Variants in COL6A3 observed in about 807,000 individuals in gnomAD.
COL6A3 encodes the protein collagen type VI alpha 3 chain.
In COL6A3, 137 loss-of-function variants were observed where a neutral mutation model predicts 274.1. The ratio of observed to expected loss-of-function variants is 0.50; its 90% CI spans 0.44 to 0.58. The LOEUF is 0.58. Among genes scored for constraint, COL6A3 ranks in the 20% least tolerant of loss-of-function variants. The probability of loss-of-function intolerance (pLI) is 0.00; values close to 1 mark genes in which losing one functional copy is unlikely to be tolerated. For synonymous variants in COL6A3, 1,650 were observed against 1,650.6 expected, an observed-to-expected ratio of 1.00 and a Z score of 0.01; for missense variants, 3,950 against 4,124.9, an observed-to-expected ratio of 0.96 and a Z score of 1.16.
chr2:237,367,182 C>T lies in COL6A3; in HGVS notation c.5005G>A (p.Val1669Ile), dbSNP rs746001425. ...LRFVSEIVDT[V>I]YEDGDSIQVG... is the part of the protein sequence containing the mutation. ...TGGATGGAGTCGCCATCTTCATAAA[C>T]TGTGTCCACTATTTCAGACACAAAA... The change falls in exon 11 of 44, where the codon GTT becomes ATT. Residue 1669 changes from valine (V) to isoleucine (I), a missense_variant. Around this residue, in one of 5 missense-constraint regions of COL6A3, gnomAD observed 632 missense variants for 623.4 expected, o/e 1.01. Transcript: ENST00000295550. 1.9e-6 allele frequency: 3 copies of T among 1,614,082 alleles called. No homozygotes were observed. Among genetic ancestry groups the T allele is most frequent in the Non-Finnish European group, 2.5e-6 (3 of 1,180,046 alleles).
intron 9 of COL6A3, among the ~76,000 whole-genome samples, chr2:237,369,789 A>C (rs1280198901): frequency 1.3e-5 from 2 of 151,574 alleles, no homozygotes; most frequent in Non-Finnish European, 2.9e-5. Context: ...CATCTCTAGC[A>C]TTTATATGAA....
At position 237,336,306 on chromosome 2, in the gene COL6A3, G is replaced by T; in HGVS notation, c.8794C>A (p.Pro2932Thr). The change falls in exon 40 of 44, where the codon CCC becomes ACC. Residue 2932 changes from proline to threonine, a missense_variant. By Grantham distance (38) the Pro-to-Thr change is conservative. This residue lies in a region of COL6A3 where 1,284 missense variants were observed against 1,349.7 expected (regional missense o/e 0.95). Coordinates refer to ENST00000295550, the MANE Select transcript of COL6A3 (RefSeq NM_004369.4). ...GTTGCTGGCTTCACCGCCACTGGGG[G>T]TCTAACAGTGGCCATCTTTGTGGCC... The part of the protein sequence containing the change: ...PVATKMATVR[P>T]PVAVKPATAA... 5 of 1,613,384 alleles carry T rather than the reference G, an allele frequency of 3.1e-6. No individual in the cohort carries two copies. Among genetic ancestry groups the T allele is most frequent in the Non-Finnish European group, 3.4e-6 (4 of 1,179,422 alleles).
At chr2:237,358,690 C>A in intron 20 of COL6A3, 107 bp from the exon 21 acceptor site, 1 of 1,048,764 alleles carries the variant, frequency 9.5e-7, no homozygotes, top group African/African-American at 1.6e-5. Context: ...ACAATGTTTA[C>A]AATTTACTCA....
intron 1 of COL6A3, among the ~76,000 whole-genome samples, chr2:237,398,326 C>T (rs868244437): frequency 6.6e-6 from 1 of 152,202 alleles, no homozygotes; most frequent in Admixed American, 6.5e-5. Flanking sequence ...CATGATGCCC[C>T]ACCAGCCAAG....
chr2:237,365,199 G>A (rs2077524445), intron 12 of COL6A3, among the ~76,000 whole-genome samples: 1 of 150,434 alleles, frequency 6.6e-6, no homozygotes, highest in African/African-American at 2.5e-5. Flanking sequence ...GCCAAGCAGA[G>A]AAGACTCAGG....
chr2:237,356,866 C>T (rs941371212), intron 23 of COL6A3: 9 of 206,444 alleles, frequency 4.4e-5, no homozygotes, highest in Non-Finnish European at 8.8e-5. Flanking sequence ...TCTGAAATGT[C>T]TTGAAATTGC....
In COL6A3 at chr2:237,361,277, C is replaced by T. The variant is rs2077431585; in HGVS notation, c.6157-103G>A. 6 of 980,506 alleles carry T rather than the reference C, an allele frequency of 6.1e-6. No individual in the cohort carries two copies. In the Admixed American group the frequency reaches 7.2e-5, roughly 12 times the overall value. 60.7% of individuals were successfully genotyped at this position (980,506 alleles called of 1,614,324 possible). On this transcript the variant is annotated intron_variant, in intron 15 of 43. Coordinates refer to ENST00000295550, the MANE Select transcript of COL6A3 (RefSeq NM_004369.4). The surrounding 1 kb of genome is among the most constrained non-coding windows in gnomAD (Gnocchi z 5.1). The stretch of plus-strand genomic sequence containing the variant: ...TTCATTTGGCAGAGCAGCACTAAAA[C>T]TCAGCATGGCTTTCCCTGTTACTGC...
At chr2:237,385,047 C>A (rs143643111) in intron 4 of COL6A3, among the ~76,000 whole-genome samples, 4 of 152,098 alleles carry the variant, frequency 2.6e-5, no homozygotes, top group African/African-American at 7.2e-5. Context: ...CATCTGCCTT[C>A]GGTTCCACAC....
rs112178393 is a variant in COL6A3, at chr2:237,336,455, G to A, written c.8645C>T (p.Pro2882Leu). 25 of 1,614,134 alleles carry A rather than the reference G, an allele frequency of 1.5e-5. No homozygotes were observed. The highest frequency in any genetic ancestry group is 1.3e-4 in the South Asian group (12 of 91,068). The change falls in exon 40 of 44, where the codon CCG becomes CTG. Residue 2882 changes from proline (P) to leucine (L), a missense_variant. This residue lies in a region of COL6A3 where 1,284 missense variants were observed against 1,349.7 expected (regional missense o/e 0.95). Transcript: ENST00000295550. The stretch of plus-strand genomic sequence containing the variant: ...TACAGGCTTTGTTGTGGTGGTCACC[G>A]GCTTCGTCGTAGTCACCGGCTTCGT... The part of the protein sequence containing the change: ...TTTKPVTTTK[P>L]VTTTTKPVTT...
At chr2:237,379,510 G>C (rs938296447) in intron 5 of COL6A3, among the ~76,000 whole-genome samples, 31 of 152,146 alleles carry the variant, frequency 2.0e-4, no homozygotes, top group Non-Finnish European at 3.8e-4. Flanking sequence ...GACAACAAAA[G>C]TGATCAGAAT....
Position 237,353,276 on chromosome 2 carries a change from C to T in COL6A3, c.6690+65G>A, listed in dbSNP as rs867538525. On this transcript the variant is annotated intron_variant, in intron 25 of 43. Transcript: ENST00000295550. Reference sequence around the variant, plus strand: ...TTAACTTTCCGGATATAAATGCCACCCAATCATTTTTTAAATGATTTGTGA... The same window carrying T: ...TTAACTTTCCGGATATAAATGCCACTCAATCATTTTTTAAATGATTTGTGA... The T allele has an allele frequency of 2.7e-6, 4 of 1,498,908 alleles. No individual in the cohort carries two copies. The Middle Eastern group carries it at 6.8e-4, about 257-fold the overall frequency. The allele number at this position is 1,498,908 out of a possible 1,614,324, so 92.9% of individuals were successfully genotyped here.
At chr2:237,399,800 TG>T (rs1431831906) in intron 1 of COL6A3, among the ~76,000 whole-genome samples, 1 of 152,164 alleles carries the variant, frequency 6.6e-6, no homozygotes, top group Non-Finnish European at 1.5e-5. Context: ...CCCAGATCAC[TG>T]GGTTTGCAAA....
In COL6A3 at chr2:237,360,040, G is replaced by A. The variant is rs759931737; in HGVS notation, c.6282+48C>T. ...CTGGCAGCATCTGGAGAAACTGCGA[G>A]TCACCTGACCCCTCCCCACGCTAGC... On this transcript the variant is annotated intron_variant, in intron 17 of 43. Coordinates refer to ENST00000295550, the MANE Select transcript of COL6A3 (RefSeq NM_004369.4). 3 of 1,594,090 alleles carry A rather than the reference G, an allele frequency of 1.9e-6. No individual in the cohort carries two copies. The South Asian group carries it at 3.3e-5, about 18-fold the overall frequency.
At chr2:237,350,248 G>T (rs762585538) in intron 27 of COL6A3, 39 bp from the exon 28 acceptor site, 8 of 1,605,578 alleles carry the variant, frequency 5.0e-6, no homozygotes, top group Non-Finnish European at 6.8e-6. Context: ...TGTGGCCTGG[G>T]GCTGGCTTAC....
At position 237,351,339 on chromosome 2, in the gene COL6A3, C is replaced by T. The variant is rs112307296; in HGVS notation, c.6754-147G>A. On this transcript the variant is annotated intron_variant, in intron 26 of 43. Transcript: ENST00000295550. The stretch of plus-strand genomic sequence containing the variant: ...ACCTGCAAATCCCAAGCACTCAGCT[C>T]TGAGCACGGGGCTACGGACTCAAAT... 180 of 743,130 alleles carry T rather than the reference C, an allele frequency of 2.4e-4. No individual in the cohort carries two copies. The Middle Eastern group carries it at 3.1e-3, about 13-fold the overall frequency. 46.0% of individuals were successfully genotyped at this position (743,130 alleles called of 1,614,324 possible).
chr2:237,350,986 C>T, intron 27 of COL6A3, 144 bp downstream of exon 27: 1 of 770,968 alleles, frequency 1.3e-6, no homozygotes, highest in Non-Finnish European at 2.3e-6. Flanking sequence ...TTCCACTGGC[C>T]AAGCCGCGAT....
chr2:237,349,146 T>G (rs1183511413), intron 28 of COL6A3, among the ~76,000 whole-genome samples: 1 of 142,692 alleles, frequency 7.0e-6, no homozygotes, highest in Non-Finnish European at 1.5e-5. Flanking sequence ...GACCCCCTCC[T>G]TTCCAACACC....
chr2:237,324,488 T>G lies in COL6A3; in HGVS notation c.*286A>C. 3 of 395,828 alleles carry G rather than the reference T, an allele frequency of 7.6e-6. No individual in the cohort carries two copies. Among genetic ancestry groups the G allele is most frequent in the African/African-American group, 2.0e-5 (1 of 49,884 alleles). The allele number at this position is 395,828 out of a possible 1,614,324, so 24.5% of individuals were successfully genotyped here. ...GCATAACATGAAACTCCAGAGGGAA[T>G]TTGGATTGATAGGAATGTTCACATA... On this transcript the variant is annotated 3_prime_UTR_variant, in exon 44 of 44. Transcript: ENST00000295550.
intron 32 of COL6A3, among the ~76,000 whole-genome samples, chr2:237,345,661 G>A (rs78148457): frequency 0.064 from 9,709 of 152,176 alleles, 697 homozygotes; most frequent in African/African-American, 0.18. Flanking sequence ...GGACTGACTC[G>A]TGGCTTCCCT....
Sources: allele counts gnomAD v4.1 joint callset (sites outside exome capture counted in the v4.1 genomes callset), GRCh38; gene constraint gnomAD v4.1.1; regional missense constraint gnomAD v4.1.1; non-coding constraint Gnocchi (gnomAD v3.1); transcripts MANE v1.5; gene names NCBI Gene and HGNC (gene_info 2026-07-23, HGNC 2026-07-21).